Variants in ADCK1 observed in about 807,000 individuals in gnomAD.
ADCK1 encodes the protein aarF domain containing kinase 1.
Under a neutral mutation model 52.3 loss-of-function variants are expected in ADCK1, and 41 were observed. That is an observed-to-expected ratio of 0.78 (90% CI 0.61 to 1.02). ADCK1 has a LOEUF of 1.02. Among genes scored for constraint, ADCK1 ranks in the 50% least tolerant of loss-of-function variants. The pLI is 0.00. For synonymous variants in ADCK1, 250 were observed against 274.6 expected (o/e 0.91, Z 0.89); for missense variants, 658 against 679.5 (o/e 0.97, Z 0.35).
At position 77,933,513 on chromosome 14, in the gene ADCK1, G is replaced by A. The variant is rs780906362; in HGVS notation, c.*122G>A. 48 of 1,237,776 alleles carry A rather than the reference G, an allele frequency of 3.9e-5. No individual in the cohort carries two copies. The highest frequency in any genetic ancestry group is 3.3e-4 in the East Asian group (14 of 42,670). 76.7% of individuals were successfully genotyped at this position (1,237,776 alleles called of 1,614,324 possible). The stretch of plus-strand genomic sequence containing the variant: ...CCGCAGCCCCAGAGTCACTGTCCAT[G>A]TCACCATCCTTCTCCTCCTTTGGAA... On this transcript the variant is annotated 3_prime_UTR_variant, in exon 11 of 11. Coordinates refer to ENST00000238561, the MANE Select transcript of ADCK1 (RefSeq NM_020421.4).
At chr14:77,915,315 T>C (rs1261292016) in intron 7 of ADCK1, among the ~76,000 whole-genome samples, 1 of 151,468 alleles carries the variant, frequency 6.6e-6, no homozygotes, top group Non-Finnish European at 1.5e-5. Context: ...GTATATCTCC[T>C]AATGCTATCC....
At chr14:77,840,156 T>C (rs765297292) in intron 3 of ADCK1, among the ~76,000 whole-genome samples, 1 of 151,994 alleles carries the variant, frequency 6.6e-6, no homozygotes, top group Non-Finnish European at 1.5e-5. Flanking sequence ...AGTAGCTTCC[T>C]ATGACTATTA....
intron 6 of ADCK1, among the ~76,000 whole-genome samples, chr14:77,901,761 A>G (rs145044479): frequency 6.3e-4 from 96 of 152,298 alleles, no homozygotes; most frequent in African/African-American, 2.2e-3. Context: ...GATGTATGCT[A>G]CACCACTGTT....
chr14:77,927,792 C>T (rs1170604306), intron 9 of ADCK1, among the ~76,000 whole-genome samples: 2 of 152,150 alleles, frequency 1.3e-5, no homozygotes, highest in African/African-American at 4.8e-5. Context: ...TGGCCCAGAG[C>T]GTGGTGAGGA....
intron 6 of ADCK1, among the ~76,000 whole-genome samples, chr14:77,907,427 C>T (rs997830369): frequency 6.6e-6 from 1 of 152,200 alleles, no homozygotes; most frequent in Non-Finnish European, 1.5e-5. Context: ...GGGAGGAGTC[C>T]GAAGTAGGCC....
At chr14:77,926,988 T>A (rs1351229239) in intron 9 of ADCK1, among the ~76,000 whole-genome samples, 2 of 152,166 alleles carry the variant, frequency 1.3e-5, no homozygotes, top group Non-Finnish European at 2.9e-5. Flanking sequence ...GGCCTTGGGC[T>A]CCAGCTGAGG....
chr14:77,809,556 C>A (rs148450719), intron 1 of ADCK1, among the ~76,000 whole-genome samples: 3,174 of 151,936 alleles, frequency 0.021, 106 homozygotes, highest in African/African-American at 0.07. Context: ...TCTTGAACTC[C>A]TGACCTCAGG....
intron 3 of ADCK1, among the ~76,000 whole-genome samples, chr14:77,836,773 C>CT (rs56672313): frequency 0.019 from 783 of 41,728 alleles, 9 homozygotes; most frequent in South Asian, 0.12. Flanking sequence ...TTCTTTCTTT[C>CT]TTTTTTTTTT....
At chr14:77,871,880 A>G (rs2082786272) in intron 4 of ADCK1, among the ~76,000 whole-genome samples, 1 of 152,126 alleles carries the variant, frequency 6.6e-6, no homozygotes, top group African/African-American at 2.4e-5. Context: ...GAGGCCAGAG[A>G]TGTTAGGTCT....
chr14:77,803,621 G>A (rs1031637699), intron 1 of ADCK1, among the ~76,000 whole-genome samples: 1 of 152,162 alleles, frequency 6.6e-6, no homozygotes, highest in African/African-American at 2.4e-5. Flanking sequence ...CAATAAAACA[G>A]CCATGTCAGC....
At chr14:77,815,380 A>T (rs1024853827) in intron 1 of ADCK1, among the ~76,000 whole-genome samples, 6 of 151,088 alleles carry the variant, frequency 4.0e-5, no homozygotes, top group Non-Finnish European at 8.8e-5. Context: ...CTAATGTTTA[A>T]ATTTTTTGTA....
intron 5 of ADCK1, among the ~76,000 whole-genome samples, chr14:77,898,085 C>CT (rs2083450690): frequency 6.6e-6 from 1 of 152,178 alleles, no homozygotes; most frequent in African/African-American, 2.4e-5. Flanking sequence ...CAGTGAGACT[C>CT]TGTCTCTACA....
chr14:77,932,954 C>T (rs2084373389), intron 10 of ADCK1, among the ~76,000 whole-genome samples: 1 of 152,212 alleles, frequency 6.6e-6, no homozygotes, highest in Non-Finnish European at 1.5e-5. Context: ...ATGTTCTACC[C>T]AATGGGTTTA....
At position 77,859,122 on chromosome 14, in the gene ADCK1, A is replaced by G; in HGVS notation, c.266A>G (p.Asn89Ser). The change falls in exon 4 of 11, where the codon AAC becomes AGC. Residue 89 changes from asparagine (N) to serine (S), a missense_variant. By Grantham distance (46) the Asn-to-Ser change is conservative (BLOSUM62 1). Transcript: ENST00000238561. ...CGTCTCTGTGAGCTCTGCTGTGCCA[A>G]CCGGGGCACCTTCATCAAGGTGGGC... is the stretch of plus-strand genomic sequence containing the variant. ...ARRLCELCCA[N>S]RGTFIKVGQH... The G allele has an allele frequency of 6.2e-7, 1 of 1,612,980 alleles. No individual in the cohort carries two copies. The highest frequency in any genetic ancestry group is 8.5e-7 in the Non-Finnish European group (1 of 1,179,828).
chr14:77,854,946 T>G (rs2082387155), intron 3 of ADCK1, among the ~76,000 whole-genome samples: 1 of 152,226 alleles, frequency 6.6e-6, no homozygotes, highest in Non-Finnish European at 1.5e-5. Context: ...TGGACTACTA[T>G]TCTTCTGCCC....
At chr14:77,836,778 T>C in intron 3 of ADCK1, among the ~76,000 whole-genome samples, 1 of 146,704 alleles carries the variant, frequency 6.8e-6, no homozygotes, top group East Asian at 2.0e-4. Flanking sequence ...TCTTTCTTTT[T>C]TTTTTTTTTT....
rs146143812 is a variant in ADCK1, at chr14:77,829,058, A to T, written c.219+6540A>T. On this transcript the variant is annotated intron_variant, in intron 3 of 10. Coordinates refer to ENST00000238561, the MANE Select transcript of ADCK1 (RefSeq NM_020421.4). The stretch of plus-strand genomic sequence containing the variant: ...CTGCCTTACATTCTTGTACTGAAAG[A>T]TACTTCAGGCTTATCCTGTATTTTC... Among the ~76,000 whole-genome samples, 5 of 151,350 alleles carry T rather than the reference A, an allele frequency of 3.3e-5. 1 individual carries two copies. The highest frequency in any genetic ancestry group is 7.4e-5 in the Non-Finnish European group (5 of 67,616).
chr14:77,800,209 C>G (rs2081078041), intron 1 of ADCK1, 39 bp downstream of exon 1: 1 of 152,304 alleles, frequency 6.6e-6, no homozygotes, highest in African/African-American at 2.4e-5. Context: ...GCGCAGAGCT[C>G]GGGCCGACCA....
Position 77,837,376 on chromosome 14 carries a change from G to T in ADCK1, c.219+14858G>T, listed in dbSNP as rs573997041. Among the ~76,000 whole-genome samples the T allele has an allele frequency of 2.8e-4, 42 of 152,262 alleles. 1 individual carries two copies. The highest frequency in any genetic ancestry group is 4.9e-4 in the Non-Finnish European group (33 of 68,020). ...TGGTCTTCAACTCCTGGGCTCAAGT[G>T]ATCTGCCTGCCTCAGCCTACCAAAG... On this transcript the variant is annotated intron_variant, in intron 3 of 10. Transcript: ENST00000238561.
Sources: gnomAD v4.1 joint callset for allele counts (sites outside exome capture counted in the v4.1 genomes callset) on GRCh38, gnomAD v4.1.1 for gene constraint, MANE v1.5 for transcripts, NCBI Gene and HGNC (gene_info 2026-07-23, HGNC 2026-07-21) for gene names.